SLC25A48: variants seen among roughly 807,000 people sequenced by gnomAD.
SLC25A48 encodes the protein CTC-321K16.1.
A neutral mutation model predicts 32.2 loss-of-function variants in SLC25A48; 29 were observed. The ratio of observed to expected loss-of-function variants is 0.90; its 90% CI spans 0.67 to 1.23. SLC25A48 has a LOEUF of 1.23. Among genes scored for constraint, SLC25A48 ranks in the 50% most tolerant of loss-of-function variants. The pLI is 0.00. For synonymous variants in SLC25A48, 164 were observed against 172.3 expected (o/e 0.95, Z 0.38); for missense variants, 399 against 422.7 (o/e 0.94, Z 0.49).
chr5:135,837,631 G>A (rs558526525), intron 1 of SLC25A48, among the ~76,000 whole-genome samples: 1 of 152,264 alleles, frequency 6.6e-6, no homozygotes, highest in South Asian at 2.1e-4. Flanking sequence ...TTCCCATGCT[G>A]TTCTCATGGT....
At chr5:135,738,771 C>CACAAAATCATAAATGTTT (rs1468494084) in intron 3 of SLC25A48, among the ~76,000 whole-genome samples, 1 of 152,182 alleles carries the variant, frequency 6.6e-6, no homozygotes, top group Non-Finnish European at 1.5e-5. Context: ...CCTTTCAGAT[C>CACAAAATCATAAATGTTT]ACAAAATCAT....
chr5:135,771,615 A>G (rs980981943), intron 3 of SLC25A48, among the ~76,000 whole-genome samples: 1 of 151,598 alleles, frequency 6.6e-6, no homozygotes, highest in African/African-American at 2.4e-5. Flanking sequence ...TACTCTTTGT[A>G]TCACAGGGGG....
intron 3 of SLC25A48, among the ~76,000 whole-genome samples, chr5:135,740,217 G>A (rs571478352): frequency 2.0e-5 from 3 of 151,688 alleles, no homozygotes; most frequent in African/African-American, 4.8e-5. Context: ...CTTTTCAGAC[G>A]GTGTCTCGGT....
chr5:135,694,320 G>A (rs1477523487), intron 3 of SLC25A48, among the ~76,000 whole-genome samples: 1 of 152,210 alleles, frequency 6.6e-6, no homozygotes, highest in Non-Finnish European at 1.5e-5. Context: ...CAGGCTCTGT[G>A]GAGGGAGGGC....
chr5:135,819,434 C>G (rs1215528732), intron 4 of SLC25A48, among the ~76,000 whole-genome samples: 1 of 152,192 alleles, frequency 6.6e-6, no homozygotes, highest in East Asian at 1.9e-4. Context: ...AAAACAGGAA[C>G]AAACTATTGA....
intron 3 of SLC25A48, chr5:135,650,351 C>T (rs563740153): frequency 6.5e-5 from 29 of 449,482 alleles, no homozygotes; most frequent in East Asian, 1.4e-4. Context: ...TGAGAATGGA[C>T]GGACATTGCC....
chr5:135,606,404 T>C (rs1240714657), intron 1 of SLC25A48, among the ~76,000 whole-genome samples: 1 of 152,230 alleles, frequency 6.6e-6, no homozygotes. Flanking sequence ...TTATATCACA[T>C]TTTTAATCCT....
chr5:135,620,871 G>A (rs1217689043), intron 1 of SLC25A48, among the ~76,000 whole-genome samples: 2 of 152,188 alleles, frequency 1.3e-5, no homozygotes. Context: ...GATTGTAGAT[G>A]TGTAGTGGGA....
chr5:135,735,182 G>A (rs1755332001), intron 3 of SLC25A48, among the ~76,000 whole-genome samples: 1 of 152,190 alleles, frequency 6.6e-6, no homozygotes, highest in Non-Finnish European at 1.5e-5. Context: ...CCTGGCCGCT[G>A]CGGTTTAGGT....
intron 1 of SLC25A48, among the ~76,000 whole-genome samples, chr5:135,604,986 A>T (rs1251143710): frequency 1.3e-5 from 2 of 152,250 alleles, no homozygotes; most frequent in African/African-American, 2.4e-5. Context: ...TTTCTGGTGC[A>T]GAGTAAGTGC....
intron 3 of SLC25A48, among the ~76,000 whole-genome samples, chr5:135,694,191 G>A (rs1754214182): frequency 6.6e-6 from 1 of 152,182 alleles, no homozygotes; most frequent in Non-Finnish European, 1.5e-5. Flanking sequence ...TTGGCTTCTG[G>A]ATGAAACACC....
At chr5:135,624,863 A>G (rs772518684) in intron 1 of SLC25A48, among the ~76,000 whole-genome samples, 31 of 152,216 alleles carry the variant, frequency 2.0e-4, no homozygotes, top group Non-Finnish European at 4.0e-4. Context: ...GATTTGTGGA[A>G]CACTGTCGAT....
intron 2 of SLC25A48, chr5:135,634,641 C>A (rs1212137258): frequency 6.6e-6 from 1 of 152,260 alleles, no homozygotes; most frequent in Non-Finnish European, 1.5e-5. Flanking sequence ...GGGTGGATGA[C>A]ATAGTTGACA....
intron 3 of SLC25A48, among the ~76,000 whole-genome samples, chr5:135,705,624 T>C (rs1006634700): frequency 6.6e-6 from 1 of 152,220 alleles, no homozygotes; most frequent in African/African-American, 2.4e-5. Flanking sequence ...GAAGAACAGA[T>C]GACAACATAA....
At chr5:135,819,143 A>C (rs1328685385) in intron 4 of SLC25A48, among the ~76,000 whole-genome samples, 1 of 152,034 alleles carries the variant, frequency 6.6e-6, no homozygotes, top group Non-Finnish European at 1.5e-5. Context: ...GAAGGCGAGA[A>C]GAAATAGGCT....
intron 4 of SLC25A48, among the ~76,000 whole-genome samples, chr5:135,817,780 T>C (rs1391611168): frequency 6.6e-6 from 1 of 152,180 alleles, no homozygotes; most frequent in Admixed American, 6.5e-5. Context: ...ACAAAGAACT[T>C]GTATCCAGCA....
intron 3 of SLC25A48, among the ~76,000 whole-genome samples, chr5:135,732,239 T>C (rs1755243091): frequency 6.6e-6 from 1 of 152,224 alleles, no homozygotes; most frequent in Admixed American, 6.5e-5. Flanking sequence ...AAGGTTTCAC[T>C]GAATACCAAC....
chr5:135,797,016 G>C (rs1460579671), intron 3 of SLC25A48, among the ~76,000 whole-genome samples: 1 of 151,798 alleles, frequency 6.6e-6, no homozygotes, highest in Non-Finnish European at 1.5e-5. Context: ...ATATCCAGGG[G>C]AGAAAAGGAC....
intron 6 of SLC25A48, chr5:135,874,831 G>A (rs565932861): frequency 1.8e-5 from 10 of 547,034 alleles, no homozygotes; most frequent in African/African-American, 9.8e-5. Flanking sequence ...ATCACCCTCC[G>A]CAGGAACTAT....
Sources: gnomAD v4.1 joint callset for allele counts (sites outside exome capture counted in the v4.1 genomes callset) on GRCh38, gnomAD v4.1.1 for gene constraint, MANE v1.5 for transcripts, NCBI Gene and HGNC (gene_info 2026-07-23, HGNC 2026-07-21) for gene names.